ABCC10: variants seen among roughly 807,000 people sequenced by gnomAD.
ABCC10 encodes ATP binding cassette subfamily C member 10, also known as ATP-binding cassette sub-family C member 10.
ABCC10 carries 110 observed loss-of-function variants against 143.2 expected under a neutral mutation model. The ratio of observed to expected loss-of-function variants is 0.77; its 90% CI spans 0.66 to 0.90. The LOEUF is 0.90. ABCC10 is among the 40% of genes least tolerant of loss of function. The pLI, the probability that ABCC10 is intolerant of heterozygous loss-of-function variation, is 0.00. For missense variants in ABCC10, 1,700 were observed against 1,900.5 expected, an observed-to-expected ratio of 0.89 and a Z score of 1.96; for synonymous variants, 805 against 846.7, an observed-to-expected ratio of 0.95 and a Z score of 0.85.
At chr6:43,433,463 A>C in intron 3 of ABCC10, 103 bp downstream of exon 3, 1 of 1,443,096 alleles carries the variant, frequency 6.9e-7, no homozygotes. Flanking sequence ...AGTGACCTCA[A>C]AGTTAAGAGC....
At position 43,447,261 on chromosome 6, in the gene ABCC10, G is replaced by GTCGC. The variant is rs776617191; in HGVS notation, c.3560_3563dup (p.Ser1189AlafsTer37). The GTCGC allele has an allele frequency of 1.9e-6, 3 of 1,613,322 alleles. No individual in the cohort carries two copies. The highest frequency in any genetic ancestry group is 8.5e-7 in the Non-Finnish European group (1 of 1,179,890). The stretch of plus-strand genomic sequence containing the variant: ...TCTCTCCCCCAGGGCTGGTGGGCTT[G>GTCGC]TCGCTGTCTTATGCCCTGTCCCTGA... On this transcript the variant is annotated frameshift_variant, in exon 17 of 22. Transcript: ENST00000372530. LOFTEE classifies it high-confidence loss of function.
rs1420069912 is a variant in ABCC10 at position 43,446,406 on chromosome 6, C to T, written c.3504C>T (p.Gly1168=). The part of the protein sequence containing the change: ...MGAAVVSAIA[G]IALVQHQQGL... ...CGGCAGTGGTCAGCGCTATCGCAGG[C>T]ATCGCTCTGGTGCAGCACCAGCAGG... is the stretch of plus-strand genomic sequence containing the variant. The change falls in exon 16 of 22, where the codon GGC becomes GGT. Residue 1168 remains glycine (G), a synonymous_variant. Coordinates refer to ENST00000372530, the MANE Select transcript of ABCC10 (RefSeq NM_001198934.2). The T allele has an allele frequency of 6.2e-7, 1 of 1,612,562 alleles. No homozygotes were observed. Among genetic ancestry groups the T allele is most frequent in the African/African-American group, 1.3e-5 (1 of 74,960 alleles).
At chr6:43,445,432 C>A in intron 14 of ABCC10, 118 bp downstream of exon 14, 2 of 1,371,908 alleles carry the variant, frequency 1.5e-6, no homozygotes, top group Non-Finnish European at 9.9e-7. Flanking sequence ...GATATTCTTC[C>A]TCAACCTCTG....
intron 18 of ABCC10, among the ~76,000 whole-genome samples, chr6:43,448,471 A>G (rs1019420199): frequency 6.6e-6 from 1 of 152,068 alleles, no homozygotes; most frequent in Non-Finnish European, 1.5e-5. Flanking sequence ...TAGCTCCATC[A>G]TGTCTTCAGG....
intron 8 of ABCC10, among the ~76,000 whole-genome samples, chr6:43,439,462 G>A (rs1782099340): frequency 6.6e-6 from 1 of 151,762 alleles, no homozygotes; most frequent in African/African-American, 2.4e-5. Context: ...GAATGCAGTG[G>A]CGCCATCTTG....
At chr6:43,429,634 G>A (rs546830578) in intron 2 of ABCC10, among the ~76,000 whole-genome samples, 102 of 152,274 alleles carry the variant, frequency 6.7e-4, no homozygotes, top group African/African-American at 2.3e-3. Flanking sequence ...GCCGGGTGCA[G>A]TGGCTCAAGC....
intron 2 of ABCC10, among the ~76,000 whole-genome samples, chr6:43,431,375 T>G (rs1319099819): frequency 6.6e-6 from 1 of 152,204 alleles, no homozygotes; most frequent in Non-Finnish European, 1.5e-5. Context: ...TTCTTTTTTT[T>G]CCTGAGACGG....
chr6:43,447,870 G>C lies in ABCC10; in HGVS notation c.3892G>C (p.Glu1298Gln), dbSNP rs1341252366. The change falls in exon 18 of 22, where the codon GAG becomes CAG. Residue 1298 changes from glutamate (E) to glutamine (Q), a missense_variant. Coordinates refer to ENST00000372530, the MANE Select transcript of ABCC10 (RefSeq NM_001198934.2). ...GTTGTTGGTGCTCTTCCGGCTGCTA[G>C]AGCCCAGTTCAGGGCGAGTGCTGCT... is the stretch of plus-strand genomic sequence containing the variant. The part of the protein sequence containing the change: ...SLLLVLFRLL[E>Q]PSSGRVLLDG... The C allele has an allele frequency of 6.2e-7, 1 of 1,613,842 alleles. No homozygotes were observed. The highest frequency in any genetic ancestry group is 8.5e-7 in the Non-Finnish European group (1 of 1,180,050).
At chr6:43,447,641 A>G (rs759972742) in intron 17 of ABCC10, 43 bp from the exon 18 acceptor site, 6 of 1,608,762 alleles carry the variant, frequency 3.7e-6, no homozygotes, top group Non-Finnish European at 5.1e-6. Flanking sequence ...CATCTCCCCT[A>G]TCTCCCTTTC....
downstream of ABCC10, chr6:43,450,829 G>A (rs779020246): frequency 2.5e-6 from 4 of 1,614,144 alleles, no homozygotes; most frequent in Admixed American, 1.7e-5. This position sits in a 1 kb window ranked among gnomAD's most constrained non-coding sequence, Gnocchi z 4.5. Flanking sequence ...ACTGAGATCC[G>A]CAGCAGACCA....
At chr6:43,439,764 A>T (rs1397446113) in intron 8 of ABCC10, among the ~76,000 whole-genome samples, 1 of 151,882 alleles carries the variant, frequency 6.6e-6, no homozygotes, top group African/African-American at 2.4e-5. Flanking sequence ...TTGTATTTCT[A>T]GTAGAAACAG....
chr6:43,445,359 C>G (rs1782936017), intron 14 of ABCC10, 45 bp downstream of exon 14: 1 of 1,572,010 alleles, frequency 6.4e-7, no homozygotes, highest in African/African-American at 1.4e-5. Context: ...AGTCCTAGCC[C>G]CTGTGGAGTG....
At position 43,432,620 on chromosome 6, in the gene ABCC10, G is replaced by A. The variant is rs1258851477; in HGVS notation, c.640G>A (p.Ala214Thr). Reference sequence around the variant, plus strand: ...GCCCGAGGATCAAGAACCTGAGGTGGCTGAAGATGGGGAGAGTTGGCTGTC... The same window carrying A: ...GCCCGAGGATCAAGAACCTGAGGTGACTGAAGATGGGGAGAGTTGGCTGTC... The part of the protein sequence containing the change: ...LLPEDQEPEV[A>T]EDGESWLSRF... The change falls in exon 3 of 22, where the codon GCT becomes ACT. Residue 214 changes from alanine (A) to threonine (T), a missense_variant. Coordinates refer to ENST00000372530, the MANE Select transcript of ABCC10 (RefSeq NM_001198934.2). 6.2e-7 allele frequency: 1 copy of A among 1,613,860 alleles called. No homozygotes were observed. The highest frequency in any genetic ancestry group is 8.5e-7 in the Non-Finnish European group (1 of 1,180,030).
rs187313814 is a variant in ABCC10 at position 43,445,836 on chromosome 6, C to T, written c.3268C>T (p.Arg1090Trp). ...HVQRHYRASS[R>W]ELRRLGSLTL... ...GCAGCGCCACTACAGGGCCTCCTCA[C>T]GGGAGCTGCGGCGCCTGGGCAGCCT... Residue 1090 changes from arginine (R) to tryptophan (W), a missense_variant, in exon 15 of 22, where the codon CGG becomes TGG. Coordinates refer to ENST00000372530, the MANE Select transcript of ABCC10 (RefSeq NM_001198934.2). 8.7e-6 allele frequency: 14 copies of T among 1,614,110 alleles called. No individual in the cohort carries two copies. The highest frequency in any genetic ancestry group is 1.3e-5 in the African/African-American group (1 of 75,052).
At chr6:43,450,749 C>T (rs1783670004), downstream of ABCC10, 1 of 1,614,180 alleles carries the variant, frequency 6.2e-7, no homozygotes, top group East Asian at 2.2e-5. This position sits in a 1 kb window ranked among gnomAD's most constrained non-coding sequence, Gnocchi z 4.5. Context: ...CAGTGAGGGC[C>T]CCAAACACCA....
At position 43,448,781 on chromosome 6, in the gene ABCC10, C is replaced by T; in HGVS notation, c.3960-100C>T. 8 of 1,441,842 alleles carry T rather than the reference C, an allele frequency of 5.5e-6. No individual in the cohort carries two copies. In the South Asian group the frequency reaches 9.7e-5, roughly 17 times the overall value. 89.3% of individuals were successfully genotyped at this position (1,441,842 alleles called of 1,614,324 possible). ...GTGGGGTTATGTTCAGGTCTCATAC[C>T]CAGGCTTTCATGGAGGTGCTAGCCC... On this transcript the variant is annotated intron_variant, in intron 18 of 21. Coordinates refer to ENST00000372530, the MANE Select transcript of ABCC10 (RefSeq NM_001198934.2).
At chr6:43,436,459 T>C (rs1037355451) in intron 6 of ABCC10, among the ~76,000 whole-genome samples, 6 of 152,144 alleles carry the variant, frequency 3.9e-5, no homozygotes, top group Non-Finnish European at 8.8e-5. Flanking sequence ...CTCTGGTCTT[T>C]AGGCAGCTTG....
intron 4 of ABCC10, 155 bp downstream of exon 4, chr6:43,435,003 G>A: frequency 1.4e-6 from 1 of 726,696 alleles, no homozygotes; most frequent in Non-Finnish European, 2.2e-6. Flanking sequence ...TTTTGTGGGG[G>A]CCTTGGATAT....
chr6:43,437,433 CAAAAAAAA>C (rs57827467), intron 6 of ABCC10, among the ~76,000 whole-genome samples: 7 of 102,392 alleles, frequency 6.8e-5, no homozygotes, highest in African/African-American at 3.9e-4. Context: ...AACATATGAC[CAAAAAAAA>C]AAAAAAAAAA....
Sources: gnomAD v4.1 joint callset for allele counts (sites outside exome capture counted in the v4.1 genomes callset) on GRCh38, gnomAD v4.1.1 for gene constraint, Gnocchi (gnomAD v3.1) non-coding constraint, MANE v1.5 for transcripts, NCBI Gene and HGNC (gene_info 2026-07-23, HGNC 2026-07-21) for gene names.